PEPD: variants seen among roughly 807,000 people sequenced by gnomAD.
The protein encoded by PEPD is peptidase D.
In PEPD, 53 loss-of-function variants were observed where a neutral mutation model predicts 60.7. The ratio of observed to expected loss-of-function variants is 0.87; its 90% CI spans 0.70 to 1.10. PEPD has a LOEUF of 1.10. PEPD is among the 50% of genes least tolerant of loss of function. The pLI is 0.00. For synonymous variants in PEPD, 267 were observed against 284.1 expected (o/e 0.94, Z 0.60); for missense variants, 711 against 711.9 (o/e 1.00, Z 0.01).
At chr19:33,509,707 A>C (rs1970884553) in intron 3 of PEPD, among the ~76,000 whole-genome samples, 1 of 152,228 alleles carries the variant, frequency 6.6e-6, no homozygotes, top group African/African-American at 2.4e-5. Context: ...ATTAGCCCAG[A>C]ATAATCACTC....
Position 33,387,323 on chromosome 19 carries a change from C to T in PEPD, c.*21G>A, listed in dbSNP as rs754071234. The T allele has an allele frequency of 8.7e-6, 14 of 1,613,426 alleles. No individual in the cohort carries two copies. The highest frequency in any genetic ancestry group is 8.3e-5 in the Admixed American group (5 of 60,014). On this transcript the variant is annotated 3_prime_UTR_variant, in exon 15 of 15. Transcript: ENST00000244137. ...GGTTGCAAGGCCAGGCCCCCAGGTG[C>T]GCTGGGATTTCTGGCTGGCTCTACT...
At chr19:33,444,851 C>T (rs1464065177) in intron 9 of PEPD, among the ~76,000 whole-genome samples, 3 of 152,150 alleles carry the variant, frequency 2.0e-5, no homozygotes, top group Admixed American at 6.5e-5. Flanking sequence ...ATCCTCACCC[C>T]TCTCGGCCTC....
chr19:33,471,101 A>C (rs575658474), intron 7 of PEPD, among the ~76,000 whole-genome samples: 1 of 152,264 alleles, frequency 6.6e-6, no homozygotes, highest in African/African-American at 2.4e-5. Flanking sequence ...TTGCTTTTCT[A>C]ATCTTACTTT....
intron 3 of PEPD, among the ~76,000 whole-genome samples, chr19:33,502,406 C>T (rs1169566717): frequency 6.6e-6 from 1 of 152,038 alleles, no homozygotes; most frequent in Non-Finnish European, 1.5e-5. Context: ...AGAATAGGGT[C>T]GGGAGGCGTT....
intron 7 of PEPD, among the ~76,000 whole-genome samples, chr19:33,474,231 G>A (rs1297648072): frequency 6.6e-6 from 1 of 152,244 alleles, no homozygotes; most frequent in African/African-American, 2.4e-5. Context: ...CCACTCCACG[G>A]GTGCCCCCTC....
chr19:33,389,861 C>T (rs948283291), intron 13 of PEPD, among the ~76,000 whole-genome samples: 8 of 152,238 alleles, frequency 5.3e-5, no homozygotes, highest in Admixed American at 2.6e-4. Context: ...GGGGCCTGCC[C>T]GGGGGACCTG....
chr19:33,478,686 A>T (rs950906290), intron 6 of PEPD, among the ~76,000 whole-genome samples: 4 of 149,032 alleles, frequency 2.7e-5, no homozygotes, highest in African/African-American at 9.8e-5. Flanking sequence ...CTGAAAGATT[A>T]AAAAAAAAAG....
intron 9 of PEPD, among the ~76,000 whole-genome samples, chr19:33,417,256 C>G (rs1238802169): frequency 1.3e-5 from 2 of 152,236 alleles, no homozygotes; most frequent in Non-Finnish European, 2.9e-5. Flanking sequence ...CTCAATGGAT[C>G]TCAGGTACTC....
intron 4 of PEPD, among the ~76,000 whole-genome samples, chr19:33,495,818 T>C (rs1434707936): frequency 6.6e-6 from 1 of 152,092 alleles, no homozygotes; most frequent in African/African-American, 2.4e-5. Flanking sequence ...AAACCCCGTC[T>C]CTATTAAAAA....
chr19:33,424,000 T>C (rs531337433), intron 9 of PEPD, among the ~76,000 whole-genome samples: 1 of 152,368 alleles, frequency 6.6e-6, no homozygotes, highest in South Asian at 2.1e-4. Context: ...TTTTCTTTGC[T>C]TTCACTAACT....
intron 9 of PEPD, among the ~76,000 whole-genome samples, chr19:33,435,551 C>G (rs953253695): frequency 6.6e-6 from 1 of 152,224 alleles, no homozygotes; most frequent in African/African-American, 2.4e-5. Flanking sequence ...AGAACCAACC[C>G]CCCTCGTTCG....
intron 9 of PEPD, among the ~76,000 whole-genome samples, chr19:33,426,975 CTG>C (rs1389017010): frequency 2.0e-5 from 3 of 152,240 alleles, no homozygotes; most frequent in Non-Finnish European, 4.4e-5. Context: ...CCGCGTGCGG[CTG>C]TGTTTTATGG....
chr19:33,505,428 G>A (rs565201088), intron 3 of PEPD, among the ~76,000 whole-genome samples: 14 of 152,094 alleles, frequency 9.2e-5, no homozygotes, highest in East Asian at 1.9e-4. Context: ...AGCGCTGCCC[G>A]GGAGGCTGGA....
At chr19:33,425,917 C>T (rs1333161038) in intron 9 of PEPD, among the ~76,000 whole-genome samples, 1 of 152,228 alleles carries the variant, frequency 6.6e-6, no homozygotes, top group Non-Finnish European at 1.5e-5. Context: ...TCAAGCAATC[C>T]TCCTGCCTCA....
rs371139477 is a variant in PEPD at position 33,392,592 on chromosome 19, G to A, written c.968-1113C>T. Among the ~76,000 whole-genome samples the A allele has an allele frequency of 1.5e-4, 23 of 152,306 alleles. No homozygotes were observed. The East Asian group carries it at 2.7e-3, about 18-fold the overall frequency. The stretch of plus-strand genomic sequence containing the variant: ...GTGCAGCTCACTGGCTGGAGAGGGC[G>A]CCCAGCAAGTCCCTGCGGCACCTCC... On this transcript the variant is annotated intron_variant, in intron 12 of 14. Coordinates refer to ENST00000244137, the MANE Select transcript of PEPD (RefSeq NM_000285.4).
intron 9 of PEPD, among the ~76,000 whole-genome samples, chr19:33,417,641 T>C (rs1449922022): frequency 6.6e-6 from 1 of 152,118 alleles, no homozygotes; most frequent in Non-Finnish European, 1.5e-5. Flanking sequence ...GTATACACAA[T>C]GGTGCCTGGT....
rs141062997 is a variant in PEPD, at chr19:33,414,066, CCCA to C, written c.672-426_672-424del. Among the ~76,000 whole-genome samples, 149 of 152,334 alleles carry C rather than the reference CCCA, an allele frequency of 9.8e-4. No homozygotes were observed. In the East Asian group the frequency reaches 0.028, roughly 28 times the overall value. ...GTGACTCCGTGCCCAGAGGCCACCA[CCCA>C]CCCTGCCAGGAGGGGCTGGATCTAC... On this transcript the variant is annotated intron_variant, in intron 9 of 14. Coordinates refer to ENST00000244137, the MANE Select transcript of PEPD (RefSeq NM_000285.4).
intron 9 of PEPD, among the ~76,000 whole-genome samples, chr19:33,421,049 G>A (rs1969006447): frequency 6.6e-6 from 1 of 152,222 alleles, no homozygotes; most frequent in South Asian, 2.1e-4. Context: ...CTCACTGCTG[G>A]CCGGTGTTCT....
chr19:33,486,051 T>C (rs1003957906), intron 6 of PEPD, among the ~76,000 whole-genome samples: 5 of 151,958 alleles, frequency 3.3e-5, no homozygotes, highest in African/African-American at 1.2e-4. Context: ...CCATCTCTCC[T>C]TCATGGTCAG....
Sources: gnomAD v4.1 joint callset for allele counts (sites outside exome capture counted in the v4.1 genomes callset) on GRCh38, gnomAD v4.1.1 for gene constraint, MANE v1.5 for transcripts, NCBI Gene and HGNC (gene_info 2026-07-23, HGNC 2026-07-21) for gene names.